Variants in ADSS1 observed in about 807,000 individuals in gnomAD.
ADSS1 encodes the protein adenylosuccinate synthetase isozyme 1.
A neutral mutation model predicts 59.1 loss-of-function variants in ADSS1; 57 were observed. The ratio of observed to expected loss-of-function variants is 0.97; its 90% CI spans 0.78 to 1.20. The LOEUF (loss-of-function observed/expected upper bound fraction) is 1.20. ADSS1 is among the 50% of genes most tolerant of loss of function. ADSS1 has a pLI of 0.00. For missense variants in ADSS1, 603 were observed against 610.3 expected, an observed-to-expected ratio of 0.99 and a Z score of 0.13; for synonymous variants, 247 against 249.4, an observed-to-expected ratio of 0.99 and a Z score of 0.09.
At chr14:104,735,638 C>A (rs1179226966) in intron 2 of ADSS1, among the ~76,000 whole-genome samples, 1 of 152,198 alleles carries the variant, frequency 6.6e-6, no homozygotes, top group Non-Finnish European at 1.5e-5. Context: ...TGGTTCCAGC[C>A]CCTTCCCAGT....
At position 104,742,022 on chromosome 14, in the gene ADSS1, G is replaced by A. The variant is rs1197411949; in HGVS notation, c.948+20G>A. 1 of 1,610,524 alleles carries A rather than the reference G, an allele frequency of 6.2e-7. No individual in the cohort carries two copies. The highest frequency in any genetic ancestry group is 8.5e-7 in the Non-Finnish European group (1 of 1,178,720). On this transcript the variant is annotated intron_variant, in intron 9 of 12. Coordinates refer to ENST00000330877, the MANE Select transcript of ADSS1 (RefSeq NM_152328.5). ...ATCAACGTGAGTCCCCAGCCCCTCG[G>A]GACCCCGTGGGAGGACAGGGAGGCC...
intron 10 of ADSS1, 61 bp downstream of exon 10, chr14:104,743,252 G>A: frequency 1.3e-6 from 2 of 1,591,098 alleles, no homozygotes; most frequent in Non-Finnish European, 1.7e-6. Flanking sequence ...ACCTGCAGAG[G>A]CAAGCAGCAC....
chr14:104,735,183 C>A, intron 2 of ADSS1, 61 bp downstream of exon 2: 1 of 1,470,636 alleles, frequency 6.8e-7, no homozygotes, highest in Non-Finnish European at 9.3e-7. Context: ...AGCCCAGGAG[C>A]CCCACGCATG....
At chr14:104,730,273 C>CACTTAG in intron 1 of ADSS1, 1 of 1,425,646 alleles carries the variant, frequency 7.0e-7, no homozygotes, top group South Asian at 1.5e-5. Context: ...GCGAGCGGAT[C>CACTTAG]ACTTAGGGTC....
chr14:104,740,255 A>G lies in ADSS1; in HGVS notation c.477-346A>G, dbSNP rs1407670326. 1.3e-5 allele frequency among the ~76,000 whole-genome samples: 2 copies of G among 152,130 alleles called. No homozygotes were observed. The highest frequency in any genetic ancestry group is 1.5e-5 in the Non-Finnish European group (1 of 68,008). ...TACCCACTCACACTCTCACACAGGC[A>G]CACACTCATGCTCTTACATACACAC... is the stretch of plus-strand genomic sequence containing the variant. On this transcript the variant is annotated intron_variant, in intron 5 of 12. Transcript: ENST00000330877. This position sits in a 1 kb window ranked among gnomAD's most constrained non-coding sequence, Gnocchi z 4.8.
intron 12 of ADSS1, 137 bp downstream of exon 12, chr14:104,746,522 AGGACGACTC>A (rs1275837893): frequency 7.8e-7 from 1 of 1,282,128 alleles, no homozygotes; most frequent in Non-Finnish European, 1.0e-6. Context: ...GCAGGAGGGG[AGGACGACTC>A]GGAGCTGGGG....
At position 104,731,559 on chromosome 14, in the gene ADSS1, C is replaced by T. The variant is rs144731593; in HGVS notation, c.193-3461C>T. Among the ~76,000 whole-genome samples, 656 of 152,306 alleles carry T rather than the reference C, an allele frequency of 4.3e-3. 1 individual carries two copies. The highest frequency in any genetic ancestry group is 7.2e-3 in the Non-Finnish European group (489 of 68,006). On this transcript the variant is annotated intron_variant, in intron 1 of 12. Transcript: ENST00000330877. Reference sequence around the variant, plus strand: ...GAGTGGTGGCTGAAGGATGGATGTGCCCATGGCCTTCCCAGAGCTCAGGTG... The same window carrying T: ...GAGTGGTGGCTGAAGGATGGATGTGTCCATGGCCTTCCCAGAGCTCAGGTG...
intron 1 of ADSS1, chr14:104,730,281 G>A: frequency 1.4e-6 from 2 of 1,411,168 alleles, no homozygotes; most frequent in Non-Finnish European, 1.9e-6. Context: ...ATCACTTAGG[G>A]TCAGGAGTTC....
rs755917775 is a variant in ADSS1, at chr14:104,741,875, A to G, written c.821A>G (p.Asn274Ser). 2 of 1,613,364 alleles carry G rather than the reference A, an allele frequency of 1.2e-6. No individual in the cohort carries two copies. The highest frequency in any genetic ancestry group is 1.7e-6 in the Non-Finnish European group (2 of 1,179,966). ...ACCTACCCCTTTGTGACTTCATCCA[A>G]CTGCACCGTGGGCGGTGTGTGCACG... ...FGTYPFVTSS[N>S]CTVGGVCTGL... The change falls in exon 9 of 13, where the codon AAC (asparagine) becomes AGC (serine). Residue 274 changes from asparagine (N) to serine (S), a missense_variant. Physicochemically the swap from Asn to Ser is conservative, Grantham distance 46 (BLOSUM62 1). Coordinates refer to ENST00000330877, the MANE Select transcript of ADSS1 (RefSeq NM_152328.5).
Position 104,743,112 on chromosome 14 carries a change from A to G in ADSS1, c.994A>G (p.Thr332Ala). The G allele has an allele frequency of 6.2e-7, 1 of 1,613,156 alleles. No individual in the cohort carries two copies. Among genetic ancestry groups the G allele is most frequent in the East Asian group, 2.2e-5 (1 of 44,876 alleles). The change falls in exon 10 of 13, where the codon ACC (threonine) becomes GCC (alanine). Residue 332 changes from threonine to alanine, a missense_variant. Thr to Ala is a moderately conservative substitution (Grantham distance 58). Coordinates refer to ENST00000330877, the MANE Select transcript of ADSS1 (RefSeq NM_152328.5). ...GACCCGCGGCCACGAGTGGGGAGTG[A>G]CCACAGGCAGGAAGAGGCGCTGCGG... ...LQTRGHEWGV[T>A]TGRKRRCGWL... is the part of the protein sequence containing the mutation.
intron 2 of ADSS1, 132 bp downstream of exon 2, chr14:104,735,254 C>T: frequency 1.3e-6 from 1 of 797,452 alleles, no homozygotes; most frequent in Non-Finnish European, 2.0e-6. Context: ...ACCCCAGCCT[C>T]CACCTGCCCC....
At chr14:104,734,596 G>A (rs548565146) in intron 1 of ADSS1, among the ~76,000 whole-genome samples, 1 of 152,354 alleles carries the variant, frequency 6.6e-6, no homozygotes, top group East Asian at 1.9e-4. Context: ...TCTTAGACGG[G>A]AGGTGCCTGC....
In ADSS1 at chr14:104,747,047, C is replaced by T; in HGVS notation, c.*44C>T. 1 of 1,565,426 alleles carries T rather than the reference C, an allele frequency of 6.4e-7. No individual in the cohort carries two copies. The highest frequency in any genetic ancestry group is 8.8e-7 in the Non-Finnish European group (1 of 1,141,254). ...CCAACAGGCCCTGGCAGCGTCTGGA[C>T]TTGTGTAAACAGCAGCAGTCACGTT... On this transcript the variant is annotated 3_prime_UTR_variant, in exon 13 of 13. Coordinates refer to ENST00000330877, the MANE Select transcript of ADSS1 (RefSeq NM_152328.5).
At chr14:104,739,491 C>A in intron 4 of ADSS1, 113 bp downstream of exon 4, 1 of 1,216,788 alleles carries the variant, frequency 8.2e-7, no homozygotes, top group Non-Finnish European at 1.2e-6. Context: ...CCTTCTTGCT[C>A]CACATGGCTC....
At chr14:104,746,101 C>T in intron 11 of ADSS1, 135 bp from the exon 12 acceptor site, 1 of 1,191,968 alleles carries the variant, frequency 8.4e-7, no homozygotes, top group Non-Finnish European at 1.2e-6. Flanking sequence ...GGCCACGTGC[C>T]CACTTGCTGC....
chr14:104,727,844 T>C (rs1427585815), intron 1 of ADSS1, among the ~76,000 whole-genome samples: 5 of 152,224 alleles, frequency 3.3e-5, no homozygotes, highest in Admixed American at 2.0e-4. Flanking sequence ...CAGCGCGCCC[T>C]GGTCAGGGTT....
chr14:104,742,133 G>C (rs1252123966), intron 9 of ADSS1, 131 bp downstream of exon 9: 2 of 1,350,518 alleles, frequency 1.5e-6, no homozygotes, highest in Admixed American at 4.2e-5. Context: ...TCTCCCACCA[G>C]GGCGCTTCCT....
At chr14:104,745,072 A>G (rs1891506839) in intron 11 of ADSS1, 163 bp downstream of exon 11, 1 of 645,382 alleles carries the variant, frequency 1.5e-6, no homozygotes, top group Admixed American at 2.6e-5. Flanking sequence ...TTTGCCTCTC[A>G]CGGGTTTCTC....
chr14:104,725,609 T>C (rs1260897905), intron 1 of ADSS1, among the ~76,000 whole-genome samples: 1 of 152,250 alleles, frequency 6.6e-6, no homozygotes, highest in East Asian at 1.9e-4. Flanking sequence ...CTCTCCGTCC[T>C]AAGCAGCAGG....
Sources: gnomAD v4.1 joint callset for allele counts (sites outside exome capture counted in the v4.1 genomes callset) on GRCh38, gnomAD v4.1.1 for gene constraint, Gnocchi (gnomAD v3.1) non-coding constraint, MANE v1.5 for transcripts, NCBI Gene and HGNC (gene_info 2026-07-23, HGNC 2026-07-21) for gene names.